Variants in SP100 observed in about 807,000 individuals in gnomAD.
SP100 encodes SP100 nuclear body protein.
SP100 carries 84 observed loss-of-function variants against 130.0 expected under a neutral mutation model. The observed-to-expected ratio is 0.65, with a 90% CI of 0.54 to 0.77. SP100 has a LOEUF of 0.77. Ranked by LOEUF, SP100 falls within the 30% of genes least tolerant of loss-of-function variation. SP100 has a pLI of 0.00. For synonymous variants in SP100, 331 were observed against 351.7 expected, an observed-to-expected ratio of 0.94 and a Z score of 0.66; for missense variants, 978 against 1,052.2, an observed-to-expected ratio of 0.93 and a Z score of 0.97.
intron 24 of SP100, among the ~76,000 whole-genome samples, chr2:230,522,103 C>T (rs1218916830): frequency 6.6e-6 from 1 of 152,224 alleles, no homozygotes; most frequent in East Asian, 1.9e-4. Context: ...GGGATTGGCT[C>T]CTATCGATTT....
At position 230,533,104 on chromosome 2, in the gene SP100, A is replaced by T. The variant is rs572877587; in HGVS notation, c.2095-6163A>T. Reference sequence around the variant, plus strand: ...CCCTGATGCTCTTTTAAAATAGCTAAAAAGAAATTACTGTGTGTGTGCTTA... The same window carrying T: ...CCCTGATGCTCTTTTAAAATAGCTATAAAGAAATTACTGTGTGTGTGCTTA... On this transcript the variant is annotated intron_variant, in intron 24 of 28. Coordinates refer to ENST00000340126, the MANE Select transcript of SP100 (RefSeq NM_001080391.2). Among the ~76,000 whole-genome samples, 4 of 152,280 alleles carry T rather than the reference A, an allele frequency of 2.6e-5. No individual in the cohort carries two copies. The East Asian group carries it at 7.7e-4, about 29-fold the overall frequency.
In SP100 at chr2:230,451,623, G is replaced by A. The variant is rs557414560; in HGVS notation, c.820+1368G>A. ...TCTTCACTCTGTTGATTGTTTCCTT[G>A]CCTATGCAGAAGCTTTTTAGTTTGA... On this transcript the variant is annotated intron_variant, in intron 8 of 28. Coordinates refer to ENST00000340126, the MANE Select transcript of SP100 (RefSeq NM_001080391.2). Among the ~76,000 whole-genome samples the A allele has an allele frequency of 2.0e-5, 3 of 152,224 alleles. No individual in the cohort carries two copies. The South Asian group carries it at 6.2e-4, about 32-fold the overall frequency.
intron 24 of SP100, among the ~76,000 whole-genome samples, chr2:230,532,802 A>G (rs1691762115): frequency 6.6e-6 from 1 of 152,060 alleles, no homozygotes; most frequent in Non-Finnish European, 1.5e-5. Context: ...TATTTTTGAG[A>G]CGTAGTCTCG....
chr2:230,486,029 C>T (rs1242759847), intron 17 of SP100, among the ~76,000 whole-genome samples: 2 of 151,800 alleles, frequency 1.3e-5, no homozygotes, highest in African/African-American at 4.8e-5. Flanking sequence ...AGTCCATTCT[C>T]ACACTGTTGT....
At chr2:230,461,495 G>A (rs151065769) in intron 9 of SP100, 81 bp downstream of exon 9, 30 of 1,425,442 alleles carry the variant, frequency 2.1e-5, no homozygotes, top group East Asian at 4.6e-5. Flanking sequence ...ACGGACCATC[G>A]GGGCAGTGCA....
intron 24 of SP100, among the ~76,000 whole-genome samples, chr2:230,521,345 A>G (rs1462632701): frequency 2.0e-5 from 3 of 152,176 alleles, no homozygotes; most frequent in Non-Finnish European, 4.4e-5. Context: ...GGCCTCTAAG[A>G]TTGTAACAAG....
intron 17 of SP100, among the ~76,000 whole-genome samples, chr2:230,483,047 A>G (rs2065906393): frequency 1.3e-5 from 2 of 152,130 alleles, no homozygotes; most frequent in South Asian, 4.1e-4. Context: ...TCCTTTTTAG[A>G]CCCTTTATTC....
chr2:230,435,593 G>C (rs62193380), intron 2 of SP100, among the ~76,000 whole-genome samples: 17,644 of 152,050 alleles, frequency 0.12, 1,139 homozygotes, highest in African/African-American at 0.17. Context: ...GGGTACATGT[G>C]CAGGATATGC....
intron 24 of SP100, among the ~76,000 whole-genome samples, chr2:230,527,457 G>A (rs1227382437): frequency 2.6e-5 from 4 of 152,206 alleles, no homozygotes; most frequent in Middle Eastern, 3.2e-3. Context: ...ACCAGTACCA[G>A]CCACTGCAAA....
At position 230,510,822 on chromosome 2, in the gene SP100, C is replaced by A. The variant is rs114195814; in HGVS notation, c.2053-303C>A. On this transcript the variant is annotated intron_variant, in intron 23 of 28. Transcript: ENST00000340126. ...TTCCAAATTTAGACAAACATGCCTG[C>A]AGGCCCCTTGAAGTAGGAGGACCGA... 2,187 of 419,334 alleles carry A rather than the reference C, an allele frequency of 5.2e-3. 46 individuals carry two copies. Among genetic ancestry groups the A allele is most frequent in the African/African-American group, 0.041 (1,998 of 48,952 alleles). 26.0% of individuals were successfully genotyped at this position (419,334 alleles called of 1,614,324 possible).
At chr2:230,521,431 C>A (rs1691165802) in intron 24 of SP100, among the ~76,000 whole-genome samples, 1 of 152,192 alleles carries the variant, frequency 6.6e-6, no homozygotes, top group Admixed American at 6.5e-5. Flanking sequence ...GCCTAACTGA[C>A]TATCTGCTTC....
At position 230,474,299 on chromosome 2, in the gene SP100, T is replaced by C. The variant is rs971846771; in HGVS notation, c.1547-95T>C. ...ATAAATTATACTCAGAATATTGTTA[T>C]AAACGCAAGCCTTCCATGCAGTGTG... is the stretch of plus-strand genomic sequence containing the variant. On this transcript the variant is annotated intron_variant, in intron 16 of 28. Coordinates refer to ENST00000340126, the MANE Select transcript of SP100 (RefSeq NM_001080391.2). 3.4e-5 allele frequency: 24 copies of C among 706,300 alleles called. No individual in the cohort carries two copies. The Admixed American group carries it at 3.6e-4, about 11-fold the overall frequency. The allele number at this position is 706,300 out of a possible 1,614,324, so 43.8% of individuals were successfully genotyped here. A position where few individuals can be genotyped will look rare whatever the true frequency, so the allele number is the denominator to read the frequency against.
intron 12 of SP100, among the ~76,000 whole-genome samples, 195 bp from the exon 13 acceptor site, chr2:230,466,925 G>A (rs962229744): frequency 2.0e-5 from 3 of 152,134 alleles, no homozygotes; most frequent in Non-Finnish European, 4.4e-5. Flanking sequence ...TGACAGTGAG[G>A]GATAAAATAC....
At chr2:230,528,996 G>A (rs1691567951) in intron 24 of SP100, among the ~76,000 whole-genome samples, 1 of 152,140 alleles carries the variant, frequency 6.6e-6, no homozygotes, top group South Asian at 2.1e-4. Context: ...TCTACCAGAG[G>A]TACAAAGAGG....
At chr2:230,481,585 TTTCA>T (rs1228776389) in intron 17 of SP100, among the ~76,000 whole-genome samples, 1 of 152,232 alleles carries the variant, frequency 6.6e-6, no homozygotes, top group African/African-American at 2.4e-5. Context: ...GTCTCTCTGC[TTTCA>T]TTCTTGCCCA....
intron 24 of SP100, among the ~76,000 whole-genome samples, chr2:230,521,099 T>C (rs1474218036): frequency 1.3e-5 from 2 of 152,218 alleles, no homozygotes; most frequent in Admixed American, 6.5e-5. Context: ...GAAGCCTGTT[T>C]ACTTTTAAAT....
intron 17 of SP100, among the ~76,000 whole-genome samples, chr2:230,480,516 T>A (rs1453354953): frequency 6.6e-6 from 1 of 152,218 alleles, no homozygotes; most frequent in East Asian, 1.9e-4. Flanking sequence ...TGGGGGCCAG[T>A]CTGCTTCTTG....
intron 5 of SP100, among the ~76,000 whole-genome samples, chr2:230,447,626 A>T (rs1273236253): frequency 4.6e-5 from 7 of 152,194 alleles, no homozygotes; most frequent in Non-Finnish European, 1.0e-4. Context: ...GATACAACTC[A>T]AGAAGAGCCA....
rs758284412 is a variant in SP100, at chr2:230,515,226, G to C, written c.2094+4060G>C. On this transcript the variant is annotated intron_variant, in intron 24 of 28. Coordinates refer to ENST00000340126, the MANE Select transcript of SP100 (RefSeq NM_001080391.2). ...TTGAAGATATGGCAAAGGCGGACAAGGCCCATTATGAAAGAGAAATGAAAA... is the reference window on the plus strand; with the variant it reads ...TTGAAGATATGGCAAAGGCGGACAACGCCCATTATGAAAGAGAAATGAAAA... The C allele has an allele frequency of 2.4e-5, 38 of 1,613,392 alleles. 1 individual carries two copies. In the East Asian group the frequency reaches 8.0e-4, roughly 34 times the overall value.
Sources: gnomAD v4.1 joint callset for allele counts (sites outside exome capture counted in the v4.1 genomes callset) on GRCh38, gnomAD v4.1.1 for gene constraint, MANE v1.5 for transcripts, NCBI Gene and HGNC (gene_info 2026-07-23, HGNC 2026-07-21) for gene names.